PCDH11X: variants seen among roughly 807,000 people sequenced by gnomAD.
PCDH11X encodes the protein protocadherin 11 X-linked.
A neutral mutation model predicts 53.3 loss-of-function variants in PCDH11X; 18 were observed. The ratio of observed to expected loss-of-function variants is 0.34; its 90% confidence interval spans 0.23 to 0.50. The LOEUF (loss-of-function observed/expected upper bound fraction) is 0.50. PCDH11X is among the 20% of genes least tolerant of loss of function. PCDH11X has a pLI of 0.98. For synonymous variants in PCDH11X, 279 were observed against 393.3 expected (o/e 0.71, Z 3.44); for missense variants, 570 against 1,032.4 (o/e 0.55, Z 6.14).
At chrX:92,246,465 G>C (rs1003496072) in intron 7 of PCDH11X, among the ~76,000 whole-genome samples, 1 of 110,813 alleles carries the variant, frequency 9.0e-6, no homozygotes, top group Non-Finnish European at 1.9e-5. Flanking sequence ...CGATTCTCCT[G>C]CCTCAGTATC....
At chrX:91,809,890 G>A (rs1340614760) in intron 2 of PCDH11X, among the ~76,000 whole-genome samples, 1 of 110,616 alleles carries the variant, frequency 9.0e-6, no homozygotes, top group Non-Finnish European at 1.9e-5. Flanking sequence ...ATAAGGCATA[G>A]GATTACCACT....
intron 10 of PCDH11X, among the ~76,000 whole-genome samples, chrX:92,470,527 G>T (rs1189774303): frequency 9.2e-6 from 1 of 108,316 alleles, no homozygotes; most frequent in Non-Finnish European, 1.9e-5. Context: ...TCATGTTCCA[G>T]ATCTTAGAGA....
chrX:92,072,938 T>C (rs943011010), intron 6 of PCDH11X, among the ~76,000 whole-genome samples: 20 of 111,247 alleles, frequency 1.8e-4, no homozygotes, highest in Non-Finnish European at 1.7e-4. Flanking sequence ...CGTTAGCTTG[T>C]GGTGGCAAGG....
intron 6 of PCDH11X, among the ~76,000 whole-genome samples, chrX:91,915,626 C>A (rs34436898): frequency 0.14 from 15,426 of 110,067 alleles, 860 homozygotes; most frequent in East Asian, 0.24. Context: ...AGAAATAGAC[C>A]AACAGGAAAA....
At chrX:91,879,777 G>A in intron 6 of PCDH11X, 1 of 748,032 alleles carries the variant, frequency 1.3e-6, no homozygotes, top group Non-Finnish European at 1.6e-6. Context: ...AGGCCTTCAG[G>A]TCCTCATAAA....
chrX:92,417,429 C>T (rs2071839518), intron 9 of PCDH11X, among the ~76,000 whole-genome samples: 1 of 110,170 alleles, frequency 9.1e-6, no homozygotes, highest in Non-Finnish European at 1.9e-5. Flanking sequence ...TCACAGTTGA[C>T]ATGGAAGCCA....
intron 10 of PCDH11X, among the ~76,000 whole-genome samples, chrX:92,528,970 A>T (rs1339085836): frequency 9.0e-6 from 1 of 110,902 alleles, no homozygotes; most frequent in African/African-American, 3.3e-5. Context: ...AGATAATTAG[A>T]TCCACATACT....
At chrX:92,326,639 T>TATATATATATAG (rs758088746) in intron 8 of PCDH11X, among the ~76,000 whole-genome samples, 1 of 39,313 alleles carries the variant, frequency 2.5e-5, no homozygotes, top group African/African-American at 1.7e-4. Context: ...TATATATATA[T>TATATATATATAG]AGAGAGAGAG....
At chrX:92,031,952 C>A (rs1278377704) in intron 6 of PCDH11X, among the ~76,000 whole-genome samples, 1 of 111,482 alleles carries the variant, frequency 9.0e-6, no homozygotes, top group African/African-American at 3.3e-5. Flanking sequence ...CTCAAGATAG[C>A]TTTGTTTACT....
At chrX:92,060,912 T>C (rs770464284) in intron 6 of PCDH11X, among the ~76,000 whole-genome samples, 1 of 112,082 alleles carries the variant, frequency 8.9e-6, no homozygotes, top group Admixed American at 9.5e-5. Flanking sequence ...CAAACCACTT[T>C]CCAAAATTGC....
At chrX:92,311,655 CTT>C (rs1160221233) in intron 8 of PCDH11X, among the ~76,000 whole-genome samples, 1 of 104,526 alleles carries the variant, frequency 9.6e-6, no homozygotes, top group African/African-American at 3.4e-5. Flanking sequence ...TAAATGTTTG[CTT>C]TTTTTTTTTC....
At position 92,277,710 on chromosome X, in the gene PCDH11X, C is replaced by T. The variant is rs405475; in HGVS notation, c.3144+14567C>T. 7.2e-3 allele frequency among the ~76,000 whole-genome samples: 785 copies of T among 108,364 alleles called. 7 individuals carry two copies. The highest frequency in any genetic ancestry group is 0.025 in the African/African-American group (739 of 29,612). 94.1% of individuals were successfully genotyped at this position (108,364 alleles called of 115,157 possible). A position where few individuals can be genotyped will look rare whatever the true frequency, so the allele number is the denominator to read the frequency against. On this transcript the variant is annotated intron_variant, in intron 8 of 10. Coordinates refer to ENST00000682573, the MANE Select transcript of PCDH11X (RefSeq NM_032968.5). ...GGGTCAGGGCACGGAAATAAGGGGT[C>T]GGGGCATGGAAATAAGGGATTGGGG... is the stretch of plus-strand genomic sequence containing the variant.
At chrX:91,857,611 G>A (rs1339032402) in intron 5 of PCDH11X, among the ~76,000 whole-genome samples, 1 of 112,079 alleles carries the variant, frequency 8.9e-6, no homozygotes, top group Non-Finnish European at 1.9e-5. Context: ...CCAGATGGGA[G>A]AAATTGGCCA....
rs1037827016 is a variant in PCDH11X at position 92,198,442 on chromosome X, A to G, written c.3034-2933A>G. Among the ~76,000 whole-genome samples, 36 of 104,025 alleles carry G rather than the reference A, an allele frequency of 3.5e-4. 1 individual carries two copies. Among genetic ancestry groups the G allele is most frequent in the Admixed American group, 2.0e-3 (19 of 9,314 alleles). The allele number at this position is 104,025 out of a possible 115,157, so 90.3% of individuals were successfully genotyped here. A position where few individuals can be genotyped will look rare whatever the true frequency, so the allele number is the denominator to read the frequency against. ...AAAAAAAAAAAAAAAAAAAATCACAAAACCACAAAACCAGTCTGGGTTTAC... is the reference window on the plus strand; with the variant it reads ...AAAAAAAAAAAAAAAAAAAATCACAGAACCACAAAACCAGTCTGGGTTTAC... On this transcript the variant is annotated intron_variant, in intron 6 of 10. Coordinates refer to ENST00000682573, the MANE Select transcript of PCDH11X (RefSeq NM_032968.5).
chrX:92,564,753 CA>C (rs1237449904), intron 10 of PCDH11X, among the ~76,000 whole-genome samples: 1 of 111,117 alleles, frequency 9.0e-6, no homozygotes, highest in Admixed American at 9.6e-5. Flanking sequence ...GCAACCAAAG[CA>C]AAAATGGACC....
At chrX:91,966,538 C>T (rs931623431) in intron 6 of PCDH11X, among the ~76,000 whole-genome samples, 7 of 109,297 alleles carry the variant, frequency 6.4e-5, no homozygotes, top group African/African-American at 2.3e-4. Context: ...GGAGAAATGC[C>T]TAATGTAAAT....
At chrX:92,484,432 C>A (rs1316644989) in intron 10 of PCDH11X, among the ~76,000 whole-genome samples, 2 of 104,251 alleles carry the variant, frequency 1.9e-5, no homozygotes, top group Non-Finnish European at 3.9e-5. Context: ...AAAGTGTTCC[C>A]TTTTCACCAC....
intron 9 of PCDH11X, among the ~76,000 whole-genome samples, chrX:92,440,009 TTC>T (rs1188822786): frequency 1.1e-5 from 1 of 88,713 alleles, no homozygotes; most frequent in African/African-American, 3.8e-5. Flanking sequence ...AACAATTTTA[TTC>T]TCTTTTATTA....
intron 6 of PCDH11X, among the ~76,000 whole-genome samples, chrX:91,938,486 G>A (rs1253517115): frequency 2.3e-4 from 25 of 106,543 alleles, no homozygotes; most frequent in African/African-American, 8.5e-4. Flanking sequence ...AACTTCCTGA[G>A]TTAAGGAGAC....
Sources: gnomAD v4.1 joint callset for allele counts (sites outside exome capture counted in the v4.1 genomes callset) on GRCh38, gnomAD v4.1.1 for gene constraint, MANE v1.5 for transcripts, NCBI Gene and HGNC (gene_info 2026-07-23, HGNC 2026-07-21) for gene names.